Variants in SPAG17 observed in about 807,000 individuals in gnomAD.
SPAG17 encodes the protein sperm associated antigen 17, also known as sperm-associated antigen 17.
A neutral mutation model predicts 273.6 loss-of-function variants in SPAG17; 169 were observed. The ratio of observed to expected loss-of-function variants is 0.62; its 90% confidence interval spans 0.55 to 0.70. The LOEUF (loss-of-function observed/expected upper bound fraction) is 0.70. SPAG17 is among the 30% of genes least tolerant of loss of function. The pLI is 0.00. For synonymous variants in SPAG17, 825 were observed against 873.2 expected (o/e 0.94, Z 0.97); for missense variants, 2,557 against 2,627.8 (o/e 0.97, Z 0.59).
chr1:117,986,625 A>G (rs1488044785), intron 40 of SPAG17, among the ~76,000 whole-genome samples: 13 of 152,238 alleles, frequency 8.5e-5, no homozygotes, highest in Non-Finnish European at 1.6e-4. Flanking sequence ...ACTCAAGAGT[A>G]TGTAATAATG....
At chr1:118,017,569 A>G (rs1660100796) in intron 28 of SPAG17, among the ~76,000 whole-genome samples, 1 of 152,202 alleles carries the variant, frequency 6.6e-6, no homozygotes, top group African/African-American at 2.4e-5. Context: ...CTAAAGTGTT[A>G]TAAGAGAGAA....
At chr1:118,113,982 C>T (rs1041542211) in intron 4 of SPAG17, among the ~76,000 whole-genome samples, 3 of 152,200 alleles carry the variant, frequency 2.0e-5, no homozygotes, top group African/African-American at 7.2e-5. Flanking sequence ...AGTAAATTGA[C>T]GCTCTTTAGC....
intron 18 of SPAG17, among the ~76,000 whole-genome samples, chr1:118,061,755 A>G (rs1466378039): frequency 6.6e-6 from 1 of 152,214 alleles, no homozygotes; most frequent in African/African-American, 2.4e-5. Flanking sequence ...GTGTAAATTA[A>G]ATGTATACAA....
intron 3 of SPAG17, among the ~76,000 whole-genome samples, chr1:118,130,099 A>G (rs1657975953): frequency 1.3e-5 from 2 of 152,034 alleles, no homozygotes; most frequent in Non-Finnish European, 2.9e-5. Flanking sequence ...TTATTCCTTG[A>G]ATTTCCTTGT....
chr1:118,036,963 A>C, intron 23 of SPAG17, 80 bp from the exon 24 acceptor site: 1 of 978,364 alleles, frequency 1.0e-6, no homozygotes, highest in Admixed American at 2.1e-5. Context: ...AAGGCTGGGA[A>C]TGGAGTTCAT....
At chr1:118,162,288 G>A (rs1457538049) in intron 1 of SPAG17, among the ~76,000 whole-genome samples, 3 of 152,160 alleles carry the variant, frequency 2.0e-5, no homozygotes, top group Non-Finnish European at 4.4e-5. Flanking sequence ...AAAGAGCACT[G>A]GATTTAGTAT....
chr1:118,023,627 G>A (rs180921031), intron 27 of SPAG17, among the ~76,000 whole-genome samples, 164 bp from the exon 28 acceptor site: 176 of 152,226 alleles, frequency 1.2e-3, no homozygotes, highest in African/African-American at 3.4e-3. Context: ...TAGAAAGGTA[G>A]ATTTGGAGTT....
intron 1 of SPAG17, among the ~76,000 whole-genome samples, chr1:118,164,724 A>C (rs961017273): frequency 2.0e-5 from 3 of 152,198 alleles, no homozygotes; most frequent in Non-Finnish European, 4.4e-5. Context: ...TGTGGAATTC[A>C]AAGCCCTTTA....
intron 13 of SPAG17, 77 bp downstream of exon 13, chr1:118,085,845 A>G: frequency 7.2e-7 from 1 of 1,384,598 alleles, no homozygotes; most frequent in Non-Finnish European, 9.8e-7. Flanking sequence ...CTTTTTGTAA[A>G]TAAGGGTGTA....
intron 1 of SPAG17, among the ~76,000 whole-genome samples, chr1:118,171,597 C>T (rs1233201630): frequency 3.3e-5 from 5 of 151,954 alleles, no homozygotes; most frequent in East Asian, 1.9e-4. Flanking sequence ...GGATGAAGTC[C>T]GATGTTGCAG....
rs755775839 is a variant in SPAG17, at chr1:118,087,036, G to A, written c.1360-28C>T. On this transcript the variant is annotated intron_variant, in intron 10 of 48. Coordinates refer to ENST00000336338, the MANE Select transcript of SPAG17 (RefSeq NM_206996.4). ...GTTGAAATCAACAATGAGAGGAATT[G>A]GTGTAAGGGTCCGCTCTTTAGTGAT... 1.9e-6 allele frequency: 3 copies of A among 1,538,504 alleles called. No homozygotes were observed. In the African/African-American group the frequency reaches 4.2e-5, roughly 21 times the overall value.
At position 118,023,422 on chromosome 1, in the gene SPAG17, T is replaced by TTATTTGG. The variant is rs1297741187; in HGVS notation, c.3950_3951insCCAAATA (p.Gly1318GlnfsTer10). 6.2e-7 allele frequency: 1 copy of TTATTTGG among 1,611,346 alleles called. No homozygotes were observed. Among genetic ancestry groups the TTATTTGG allele is most frequent in the African/African-American group, 1.3e-5 (1 of 74,848 alleles). On this transcript the variant is annotated frameshift_variant, in exon 28 of 49. Coordinates refer to ENST00000336338, the MANE Select transcript of SPAG17 (RefSeq NM_206996.4). LOFTEE classifies it high-confidence loss of function. ...TTTCAGAAGGAGGACAAATAAGACC[T>TTATTTGG]GAATTGGGACTCCTGCTCACAGCAC... is the stretch of plus-strand genomic sequence containing the variant.
At chr1:117,964,007 T>C in intron 47 of SPAG17, 69 bp from the exon 48 acceptor site, 2 of 1,507,910 alleles carry the variant, frequency 1.3e-6, no homozygotes, top group Non-Finnish European at 1.8e-6. Context: ...TAAATAACAT[T>C]TTAGAATCAT....
intron 4 of SPAG17, among the ~76,000 whole-genome samples, chr1:118,109,001 G>T (rs1656586591): frequency 6.6e-6 from 1 of 152,022 alleles, no homozygotes; most frequent in Non-Finnish European, 1.5e-5. Context: ...AAATATTTTA[G>T]ATCATATTTT....
chr1:118,177,878 T>A (rs112130630), intron 1 of SPAG17, among the ~76,000 whole-genome samples: 4,274 of 152,134 alleles, frequency 0.028, 96 homozygotes, highest in Non-Finnish European at 0.045. Flanking sequence ...AATAAATAGA[T>A]AATTTTAACA....
chr1:117,954,430 A>G (rs1216341545), intron 48 of SPAG17: 4 of 719,948 alleles, frequency 5.6e-6, no homozygotes, highest in Non-Finnish European at 9.0e-6. Context: ...AGAAACTAAC[A>G]GGTTTGATAA....
At position 118,043,233 on chromosome 1, in the gene SPAG17, A is replaced by G. The variant is rs140158368; in HGVS notation, c.2815-1191T>C. On this transcript the variant is annotated intron_variant, in intron 20 of 48. Transcript: ENST00000336338. ...TGAATTTTTGAAAAGGCAGTATTTG[A>G]ACAGATAATGCCTGAGACATTTCGA... 1.6e-3 allele frequency among the ~76,000 whole-genome samples: 246 copies of G among 152,316 alleles called. 2 individuals are homozygous for G. The highest frequency in any genetic ancestry group is 6.8e-3 in the Middle Eastern group (2 of 294).
At chr1:118,014,313 G>A (rs1362067973) in intron 29 of SPAG17, among the ~76,000 whole-genome samples, 5 of 152,102 alleles carry the variant, frequency 3.3e-5, no homozygotes, top group African/African-American at 1.2e-4. Flanking sequence ...TTTAATTCAT[G>A]CTTGAATCCA....
intron 43 of SPAG17, among the ~76,000 whole-genome samples, chr1:117,976,415 C>T (rs1008673087): frequency 6.6e-6 from 1 of 152,178 alleles, no homozygotes; most frequent in Admixed American, 6.5e-5. Flanking sequence ...ATTTATTTCC[C>T]CATTGAGGAT....
Sources: gnomAD v4.1 joint callset for allele counts (sites outside exome capture counted in the v4.1 genomes callset) on GRCh38, gnomAD v4.1.1 for gene constraint, MANE v1.5 for transcripts, NCBI Gene and HGNC (gene_info 2026-07-23, HGNC 2026-07-21) for gene names.